Variants in ARHGAP6 observed in about 807,000 individuals in gnomAD.
ARHGAP6 encodes the protein Rho GTPase activating protein 6, also known as rho GTPase-activating protein 6.
In ARHGAP6, 16 loss-of-function variants were observed where a neutral mutation model predicts 55.7. The observed-to-expected ratio is 0.29, with a 90% CI of 0.19 to 0.44. ARHGAP6 has a LOEUF of 0.44. Among genes scored for constraint, ARHGAP6 ranks in the 20% least tolerant of loss-of-function variants. The probability of loss-of-function intolerance (pLI) is 1.00; values close to 1 mark genes in which losing one functional copy is unlikely to be tolerated. For synonymous variants in ARHGAP6, 382 were observed against 360.9 expected (o/e 1.06, Z -0.66); for missense variants, 698 against 808.9 (o/e 0.86, Z 1.66).
At chrX:11,293,602 C>T (rs773760898) in intron 1 of ARHGAP6, 2 of 111,206 alleles carry the variant, frequency 1.8e-5, no homozygotes, top group Admixed American at 9.6e-5. Flanking sequence ...TTTAGTTGGC[C>T]CATAATTAAA....
chrX:11,275,914 A>T (rs1033369358), intron 1 of ARHGAP6, among the ~76,000 whole-genome samples: 1 of 111,739 alleles, frequency 8.9e-6, no homozygotes, highest in Non-Finnish European at 1.9e-5. Context: ...GGACATTACA[A>T]ATGAATCATC....
intron 1 of ARHGAP6, among the ~76,000 whole-genome samples, chrX:11,354,287 C>CTCTT (rs2048899158): frequency 1.3e-5 from 1 of 74,157 alleles, no homozygotes; most frequent in Non-Finnish European, 2.5e-5. Flanking sequence ...CTCTCTCTCT[C>CTCTT]TCTCTCTTTC....
chrX:11,524,188 T>C (rs1457011422), intron 1 of ARHGAP6, among the ~76,000 whole-genome samples: 2 of 112,042 alleles, frequency 1.8e-5, no homozygotes, highest in Non-Finnish European at 3.8e-5. Context: ...TTTCCTCCTC[T>C]TTCTGAGTAA....
Position 11,137,791 on chromosome X carries a change from T to G in ARHGAP6, c.*1072A>C, listed in dbSNP as rs1453338758. Reference sequence around the variant, plus strand: ...AAACTACTAAAGTACGGTAGAACATTTTACAATACACATAAAATTACGAAA... The same window carrying G: ...AAACTACTAAAGTACGGTAGAACATGTTACAATACACATAAAATTACGAAA... On this transcript the variant is annotated 3_prime_UTR_variant, in exon 13 of 13. Coordinates refer to ENST00000337414, the MANE Select transcript of ARHGAP6 (RefSeq NM_013427.3). 8.9e-6 allele frequency: 1 copy of G among 112,545 alleles called. No homozygotes were observed. The highest frequency in any genetic ancestry group is 1.9e-5 in the Non-Finnish European group (1 of 53,263). 9.3% of individuals were successfully genotyped at this position (112,545 alleles called of 1,213,427 possible).
intron 1 of ARHGAP6, among the ~76,000 whole-genome samples, chrX:11,492,610 G>A (rs2050582569): frequency 9.0e-6 from 1 of 111,453 alleles, no homozygotes; most frequent in Admixed American, 9.6e-5. Flanking sequence ...GAATAATATA[G>A]TTAATATAGT....
chrX:11,334,108 G>C (rs184358333), intron 1 of ARHGAP6: 1 of 106,629 alleles, frequency 9.4e-6, no homozygotes, highest in African/African-American at 3.5e-5. Flanking sequence ...TACGCACTGT[G>C]GTTAAAAAAA....
At chrX:11,619,044 T>C (rs1438621255) in intron 1 of ARHGAP6, among the ~76,000 whole-genome samples, 1 of 111,790 alleles carries the variant, frequency 8.9e-6, no homozygotes, top group East Asian at 2.8e-4. Flanking sequence ...AAAGTTTTTT[T>C]GAAAAAATAG....
intron 1 of ARHGAP6, among the ~76,000 whole-genome samples, chrX:11,528,960 G>T (rs1488049803): frequency 8.9e-6 from 1 of 112,001 alleles, no homozygotes; most frequent in Non-Finnish European, 1.9e-5. Flanking sequence ...CAGTGTAACT[G>T]TCAGTGGAGT....
chrX:11,283,647 G>T (rs748762371), intron 1 of ARHGAP6, among the ~76,000 whole-genome samples: 4 of 111,881 alleles, frequency 3.6e-5, no homozygotes, highest in African/African-American at 1.3e-4. Context: ...TATCATCACA[G>T]GAGCAACTTA....
At position 11,140,684 on chromosome X, in the gene ARHGAP6, G is replaced by A. The variant is rs769762439; in HGVS notation, c.2258-1154C>T. 3.2e-4 allele frequency among the ~76,000 whole-genome samples: 36 copies of A among 111,068 alleles called. 1 individual carries two copies. Among genetic ancestry groups the A allele is most frequent in the African/African-American group, 1.2e-3 (36 of 30,507 alleles). On this transcript the variant is annotated intron_variant, in intron 12 of 12. Transcript: ENST00000337414. ...CCCCTCACAGTCCACACTGTACTGG[G>A]ACAGTGAGGGAGAAATCCAGTTGTA...
intron 1 of ARHGAP6, among the ~76,000 whole-genome samples, chrX:11,344,838 A>C (rs1001189108): frequency 4.5e-5 from 5 of 111,048 alleles, no homozygotes; most frequent in African/African-American, 1.6e-4. Context: ...ACTGCCAAAC[A>C]CTGTACAGAC....
intron 1 of ARHGAP6, among the ~76,000 whole-genome samples, chrX:11,444,983 T>C (rs2050078482): frequency 8.9e-6 from 1 of 112,382 alleles, no homozygotes; most frequent in Admixed American, 9.4e-5. Context: ...CATTCTCTTC[T>C]GTCTGAAGCA....
intron 2 of ARHGAP6, among the ~76,000 whole-genome samples, chrX:11,238,559 C>T (rs1383576523): frequency 2.7e-5 from 3 of 112,011 alleles, no homozygotes; most frequent in Non-Finnish European, 3.8e-5. Flanking sequence ...CTGGCCAGCC[C>T]TCCATGGGCC....
At chrX:11,169,429 C>A in intron 9 of ARHGAP6, 76 bp downstream of exon 9, 1 of 1,030,607 alleles carries the variant, frequency 9.7e-7, no homozygotes, top group South Asian at 2.6e-5. Context: ...GGGTGGTCTA[C>A]TAGAATTTCA....
At chrX:11,183,658 G>A (rs1394719782) in intron 5 of ARHGAP6, among the ~76,000 whole-genome samples, 1 of 111,184 alleles carries the variant, frequency 9.0e-6, no homozygotes, top group Non-Finnish European at 1.9e-5. Flanking sequence ...TAATTGTTTT[G>A]GTGAAGAAAT....
intron 8 of ARHGAP6, among the ~76,000 whole-genome samples, chrX:11,175,112 C>A (rs1336587932): frequency 7.2e-5 from 8 of 111,862 alleles, no homozygotes; most frequent in Non-Finnish European, 1.5e-4. Context: ...CAACGTGGAT[C>A]ATATCACCCA....
At chrX:11,370,455 T>G (rs765515380) in intron 1 of ARHGAP6, among the ~76,000 whole-genome samples, 2 of 112,087 alleles carry the variant, frequency 1.8e-5, no homozygotes, top group Non-Finnish European at 3.8e-5. Flanking sequence ...GCTATAAACA[T>G]TTCTCTTTCC....
intron 1 of ARHGAP6, among the ~76,000 whole-genome samples, chrX:11,454,807 T>G (rs1014596485): frequency 1.8e-5 from 2 of 112,690 alleles, no homozygotes; most frequent in African/African-American, 3.2e-5. Flanking sequence ...GAGACGGATC[T>G]CATGTCATAG....
At chrX:11,376,566 G>A (rs774497259) in intron 1 of ARHGAP6, among the ~76,000 whole-genome samples, 130 of 113,154 alleles carry the variant, frequency 1.1e-3, no homozygotes, top group Non-Finnish European at 2.2e-3. Flanking sequence ...TTAGCCTAGT[G>A]AGATCTGTGT....
Sources: gnomAD v4.1 joint callset for allele counts (sites outside exome capture counted in the v4.1 genomes callset) on GRCh38, gnomAD v4.1.1 for gene constraint, MANE v1.5 for transcripts, NCBI Gene and HGNC (gene_info 2026-07-23, HGNC 2026-07-21) for gene names.